Variants in VWA8 observed in about 807,000 individuals in gnomAD.
The protein encoded by VWA8 is von Willebrand factor A domain-containing protein 8.
Under a neutral mutation model 241.5 loss-of-function variants are expected in VWA8, and 221 were observed. The observed-to-expected ratio is 0.91, with a 90% CI of 0.82 to 1.02. The LOEUF is 1.02. VWA8 is among the 50% of genes least tolerant of loss of function. The pLI is 0.00. For synonymous variants in VWA8, 852 were observed against 827.1 expected, an observed-to-expected ratio of 1.03 and a Z score of -0.52; for missense variants, 2,322 against 2,328.7, an observed-to-expected ratio of 1.00 and a Z score of 0.06.
chr13:41,919,442 C>G (rs1183546498), intron 2 of VWA8, among the ~76,000 whole-genome samples: 1 of 152,148 alleles, frequency 6.6e-6, no homozygotes, highest in African/African-American at 2.4e-5. Context: ...TTACCCCAGT[C>G]CCCTGCCTGA....
chr13:41,570,507 A>G lies in VWA8; in HGVS notation c.5570T>C (p.Phe1857Ser). ...ILTRDPQVNA[F>S]AIFIGSLGDQ... ...ACCTAAAGAGCCAATAAAAATGGCA[A>G]AAGCATTTACTTGAGGGTCTCTTGT... Residue 1857 changes from phenylalanine to serine, a missense_variant, in exon 44 of 45, where the codon TTT becomes TCT. Coordinates refer to ENST00000379310, the MANE Select transcript of VWA8 (RefSeq NM_015058.2). 1 of 1,614,224 alleles carries G rather than the reference A, an allele frequency of 6.2e-7. No individual in the cohort carries two copies. Among genetic ancestry groups the G allele is most frequent in the Non-Finnish European group, 8.5e-7 (1 of 1,180,028 alleles).
chr13:41,599,164 T>G (rs1165253043), intron 40 of VWA8, among the ~76,000 whole-genome samples: 1 of 152,146 alleles, frequency 6.6e-6, no homozygotes, highest in South Asian at 2.1e-4. Context: ...TTTTTACCCC[T>G]TTATTTCCTC....
intron 40 of VWA8, among the ~76,000 whole-genome samples, chr13:41,592,322 G>T (rs1380630024): frequency 7.9e-6 from 1 of 126,396 alleles, no homozygotes; most frequent in Non-Finnish European, 1.7e-5. Context: ...GTTGTGGGGT[G>T]GGGGGAGGGG....
At chr13:41,870,827 A>G (rs1231960807) in intron 9 of VWA8, among the ~76,000 whole-genome samples, 1 of 152,176 alleles carries the variant, frequency 6.6e-6, no homozygotes, top group Non-Finnish European at 1.5e-5. Flanking sequence ...TACACTGGTT[A>G]TGTCCACACA....
chr13:41,896,192 T>C (rs573357794), intron 4 of VWA8, among the ~76,000 whole-genome samples: 178 of 152,210 alleles, frequency 1.2e-3, no homozygotes, highest in African/African-American at 4.2e-3. Context: ...TCTCGCACTG[T>C]TGGAAAAAAA....
chr13:41,744,003 A>G (rs1413603858), intron 21 of VWA8, among the ~76,000 whole-genome samples: 1 of 152,238 alleles, frequency 6.6e-6, no homozygotes, highest in Non-Finnish European at 1.5e-5. Context: ...CCTCACCCAG[A>G]AATGCTTGGG....
chr13:41,876,023 CA>C (rs1873882155), intron 9 of VWA8, among the ~76,000 whole-genome samples: 1 of 152,054 alleles, frequency 6.6e-6, no homozygotes, highest in Non-Finnish European at 1.5e-5. Flanking sequence ...AACTCTGTAT[CA>C]ACCCTACATC....
At chr13:41,917,936 G>A (rs1208476194) in intron 2 of VWA8, among the ~76,000 whole-genome samples, 1 of 152,172 alleles carries the variant, frequency 6.6e-6, no homozygotes, top group East Asian at 1.9e-4. Context: ...AAGGAAGCAT[G>A]ACTAACCTCC....
chr13:41,848,104 G>C (rs909580569), intron 12 of VWA8, among the ~76,000 whole-genome samples: 3 of 152,168 alleles, frequency 2.0e-5, no homozygotes, highest in Non-Finnish European at 4.4e-5. Flanking sequence ...ATGGGGAGAA[G>C]GCTAAGAAAT....
chr13:41,694,705 T>C (rs2045203882), intron 29 of VWA8, among the ~76,000 whole-genome samples: 1 of 152,114 alleles, frequency 6.6e-6, no homozygotes, highest in African/African-American at 2.4e-5. Flanking sequence ...GGGATAATAT[T>C]AGCCTTTGTA....
At chr13:41,683,311 T>C (rs2045113312) in intron 35 of VWA8, among the ~76,000 whole-genome samples, 2 of 151,804 alleles carry the variant, frequency 1.3e-5, no homozygotes, top group Admixed American at 1.3e-4. Context: ...AAATAAATGA[T>C]TCTCAAATGC....
At chr13:41,622,390 C>A (rs548870979) in intron 37 of VWA8, among the ~76,000 whole-genome samples, 1 of 152,286 alleles carries the variant, frequency 6.6e-6, no homozygotes, top group South Asian at 2.1e-4. Flanking sequence ...TGTTGAAAAG[C>A]ATTTGGAATG....
Position 41,685,212 on chromosome 13 carries a change from G to T in VWA8, c.4162C>A (p.Pro1388Thr), listed in dbSNP as rs749300296. 4 of 1,612,674 alleles carry T rather than the reference G, an allele frequency of 2.5e-6. No homozygotes were observed. The highest frequency in any genetic ancestry group is 3.4e-6 in the Non-Finnish European group (4 of 1,179,472). ...SPSEVYSWKR[P>T]SSLHKRSGTD... ...CCACTTCGTTTATGCAAAGATGATG[G>T]TCTCTTCCAAGAATAAACTTCACTG... Residue 1388 changes from proline to threonine, a missense_variant, in exon 35 of 45, where the codon CCA (proline) becomes ACA (threonine). By Grantham distance (38) the Pro-to-Thr change is conservative (BLOSUM62 -1). Transcript: ENST00000379310.
chr13:41,948,362 G>A (rs1191739359), intron 2 of VWA8, among the ~76,000 whole-genome samples: 1 of 152,160 alleles, frequency 6.6e-6, no homozygotes, highest in East Asian at 1.9e-4. Context: ...GGTGGTGGGG[G>A]AGAGAGAAGA....
At chr13:41,806,573 C>A (rs920559238) in intron 17 of VWA8, among the ~76,000 whole-genome samples, 6 of 152,030 alleles carry the variant, frequency 3.9e-5, no homozygotes, top group African/African-American at 1.4e-4. Context: ...CATGGTGGCA[C>A]GTGCCTGTAG....
Position 41,727,302 on chromosome 13 carries a change from C to T in VWA8, c.2650G>A (p.Val884Met). ...GRRIVANSAN[V>M]NGRENVVVIH... ...ACTACAACATTTTCTCTTCCATTCA[C>T]ATTAGCAGAATCTGAAAAACAAAAT... The change falls in exon 24 of 45, where the codon GTG becomes ATG. Residue 884 changes from valine (V) to methionine (M), a missense_variant. Val to Met is a conservative substitution (Grantham distance 21). Coordinates refer to ENST00000379310, the MANE Select transcript of VWA8 (RefSeq NM_015058.2). 1 of 1,524,452 alleles carries T rather than the reference C, an allele frequency of 6.6e-7. No homozygotes were observed. Among genetic ancestry groups the T allele is most frequent in the South Asian group, 1.3e-5 (1 of 78,130 alleles). The allele number at this position is 1,524,452 out of a possible 1,614,324, so 94.4% of individuals were successfully genotyped here.
At chr13:41,829,113 C>T (rs897554631) in intron 14 of VWA8, among the ~76,000 whole-genome samples, 1 of 152,114 alleles carries the variant, frequency 6.6e-6, no homozygotes, top group Non-Finnish European at 1.5e-5. Flanking sequence ...GGAAAGATTA[C>T]CTTCTTAAAA....
chr13:41,893,005 C>T (rs763309150), intron 4 of VWA8, among the ~76,000 whole-genome samples: 2 of 152,200 alleles, frequency 1.3e-5, no homozygotes, highest in Non-Finnish European at 2.9e-5. Context: ...TCCTTCTACA[C>T]ATGTACATAC....
intron 20 of VWA8, among the ~76,000 whole-genome samples, chr13:41,776,410 G>C (rs1235510783): frequency 6.6e-6 from 1 of 152,170 alleles, no homozygotes. Flanking sequence ...TCAATATCAA[G>C]AGCCAAATTC....
Sources: allele counts gnomAD v4.1 joint callset (sites outside exome capture counted in the v4.1 genomes callset), GRCh38; gene constraint gnomAD v4.1.1; transcripts MANE v1.5; gene names NCBI Gene and HGNC (gene_info 2026-07-23, HGNC 2026-07-21).